Variants in MLLT6 observed in about 807,000 individuals in gnomAD.
MLLT6 encodes MLLT6, PHD finger containing.
Under a neutral mutation model 103.0 loss-of-function variants are expected in MLLT6, and 22 were observed. The ratio of observed to expected loss-of-function variants is 0.21; its 90% CI spans 0.15 to 0.31. The LOEUF (loss-of-function observed/expected upper bound fraction) is 0.31, where lower values mean the gene tolerates loss of function less well. Among genes scored for constraint, MLLT6 ranks in the 10% least tolerant of loss-of-function variants. The pLI is 1.00. For missense variants in MLLT6, 1,199 were observed against 1,441.7 expected (o/e 0.83, Z 2.73); for synonymous variants, 606 against 623.5 (o/e 0.97, Z 0.42).
At position 38,705,503 on chromosome 17, in the gene MLLT6, AGCGGCG is replaced by A. The variant is rs1170115423; in HGVS notation, c.-122_-117del. 8.4e-6 allele frequency: 4 copies of A among 473,450 alleles called. No homozygotes were observed. In the South Asian group the frequency reaches 1.1e-4, roughly 13 times the overall value. 29.3% of individuals were successfully genotyped at this position (473,450 alleles called of 1,614,324 possible). A position where few individuals can be genotyped will look rare whatever the true frequency, so the allele number is the denominator to read the frequency against. On this transcript the variant is annotated 5_prime_UTR_variant, in exon 1 of 20. Coordinates refer to ENST00000621332, the MANE Select transcript of MLLT6 (RefSeq NM_005937.4). ...GAGGAAGGAGGAGGCAAAGAAAAGA[AGCGGCG>A]GCGGCGGAGGGAGAGGAGGAGGGGG...
intron 13 of MLLT6, 39 bp downstream of exon 13, chr17:38,719,622 G>T (rs754412961): frequency 1.3e-6 from 2 of 1,582,192 alleles, no homozygotes; most frequent in Non-Finnish European, 8.6e-7. Context: ...GCTGGGGGCA[G>T]GAGGGACACC....
Position 38,709,072 on chromosome 17 carries a change from C to A in MLLT6, c.355-101C>A. 1.2e-6 allele frequency: 1 copy of A among 868,046 alleles called. No individual in the cohort carries two copies. The highest frequency in any genetic ancestry group is 1.5e-5 in the South Asian group (1 of 65,702). The allele number at this position is 868,046 out of a possible 1,614,324, so 53.8% of individuals were successfully genotyped here. On this transcript the variant is annotated intron_variant, in intron 4 of 19. Coordinates refer to ENST00000621332, the MANE Select transcript of MLLT6 (RefSeq NM_005937.4). The surrounding 1 kb of genome is among the most constrained non-coding windows in gnomAD (Gnocchi z 4.3). ...GACAGTTCTGTGGGATAGCACTGAT[C>A]TAAGACTGTAGAGAGCAAATGGAAT...
rs541414676 is a variant in MLLT6 at position 38,728,056 on chromosome 17, A to G, written c.*2458A>G. 1 of 233,204 alleles carries G rather than the reference A, an allele frequency of 4.3e-6. No homozygotes were observed. Among genetic ancestry groups the G allele is most frequent in the South Asian group, 1.8e-4 (1 of 5,514 alleles). The allele number at this position is 233,204 out of a possible 1,614,324, so 14.4% of individuals were successfully genotyped here. A position where few individuals can be genotyped will look rare whatever the true frequency, so the allele number is the denominator to read the frequency against. On this transcript the variant is annotated 3_prime_UTR_variant, in exon 20 of 20. Transcript: ENST00000621332. ...CCAAAGGCTGGGGTTCTCATCTCCAAGTGGCTGTTCTCCAACTTTCCCAAG... is the reference window on the plus strand; with the variant it reads ...CCAAAGGCTGGGGTTCTCATCTCCAGGTGGCTGTTCTCCAACTTTCCCAAG...
intron 13 of MLLT6, 57 bp from the exon 14 acceptor site, chr17:38,719,693 G>A: frequency 7.0e-6 from 11 of 1,582,350 alleles, no homozygotes; most frequent in Non-Finnish European, 9.5e-6. Flanking sequence ...ACGGGAGAAG[G>A]GCCAGAGGAG....
chr17:38,723,823 A>G (rs923667099), intron 18 of MLLT6, among the ~76,000 whole-genome samples: 1 of 151,108 alleles, frequency 6.6e-6, no homozygotes, highest in South Asian at 2.1e-4. Context: ...GCTCACTGCA[A>G]CCTCCGCCTC....
In MLLT6 at chr17:38,729,778, CAAA is replaced by C. The variant is rs879210230; in HGVS notation, c.*4195_*4197del. On this transcript the variant is annotated 3_prime_UTR_variant, in exon 20 of 20. Transcript: ENST00000621332. ...GTTCTTTTAATAAAAGAATGTTTTG[CAAA>C]AAAAAAAAAAAAAATCCGAAGAGCC... is the stretch of plus-strand genomic sequence containing the variant. 1.2e-3 allele frequency: 144 copies of C among 118,524 alleles called. No individual in the cohort carries two copies. The highest frequency in any genetic ancestry group is 2.2e-3 in the African/African-American group (59 of 27,178). The allele number at this position is 118,524 out of a possible 1,614,324, so 7.3% of individuals were successfully genotyped here.
Position 38,727,970 on chromosome 17 carries a change from A to T in MLLT6, c.*2372A>T. 1 of 233,228 alleles carries T rather than the reference A, an allele frequency of 4.3e-6. No individual in the cohort carries two copies. Among genetic ancestry groups the T allele is most frequent in the Non-Finnish European group, 8.5e-6 (1 of 118,030 alleles). 14.4% of individuals were successfully genotyped at this position (233,228 alleles called of 1,614,324 possible). A position where few individuals can be genotyped will look rare whatever the true frequency, so the allele number is the denominator to read the frequency against. ...TGTTGAAGAGTGAGAGGTCCAAGTG[A>T]TTCTGTGCATTGAAACCAAGACACC... On this transcript the variant is annotated 3_prime_UTR_variant, in exon 20 of 20. Transcript: ENST00000621332.
At position 38,709,587 on chromosome 17, in the gene MLLT6, C is replaced by A; in HGVS notation, c.552+12C>A. Reference sequence around the variant, plus strand: ...ACTTCAGCAAGATGGTGAGTCCTGGCGACCAGCGCATGAGCGGGTCAGTCA... The same window carrying A: ...ACTTCAGCAAGATGGTGAGTCCTGGAGACCAGCGCATGAGCGGGTCAGTCA... On this transcript the variant is annotated intron_variant, in intron 6 of 19. Transcript: ENST00000621332. The surrounding 1 kb of genome is among the most constrained non-coding windows in gnomAD (Gnocchi z 4.3). 1 of 1,604,754 alleles carries A rather than the reference C, an allele frequency of 6.2e-7. No homozygotes were observed. Among genetic ancestry groups the A allele is most frequent in the Non-Finnish European group, 8.5e-7 (1 of 1,171,790 alleles).
At position 38,719,876 on chromosome 17, in the gene MLLT6, C is replaced by G; in HGVS notation, c.2136C>G (p.Asp712Glu). 6.3e-7 allele frequency: 1 copy of G among 1,590,118 alleles called. No individual in the cohort carries two copies. Among genetic ancestry groups the G allele is most frequent in the Non-Finnish European group, 8.6e-7 (1 of 1,168,976 alleles). ...NMEQLLEKQGDGEAGVNIVEM... is the reference protein window; with the variant it reads ...NMEQLLEKQGEGEAGVNIVEM... ...AGCAGCTTCTGGAGAAGCAGGGCGACGGGGAGGCCGGCGTCAACAGTGAGG... is the reference window on the plus strand; with the variant it reads ...AGCAGCTTCTGGAGAAGCAGGGCGAGGGGGAGGCCGGCGTCAACAGTGAGG... Residue 712 changes from aspartate (D) to glutamate (E), a missense_variant, in exon 14 of 20, where the codon GAC (aspartate) becomes GAG (glutamate). Physicochemically the swap from Asp to Glu is conservative, Grantham distance 45 (BLOSUM62 2). This residue lies in a region of MLLT6 where 1,034 missense variants were observed against 1,091.5 expected (regional missense o/e 0.95). Transcript: ENST00000621332.
chr17:38,719,499 GCCTTC>G lies in MLLT6; in HGVS notation c.1943-12_1943-8del. ...CTACCACTCCTCCACGCTGATCCCA[GCCTTC>G]CCTTCTTCCAAGAGCCAGACCTGGA... On this transcript the variant is annotated splice_polypyrimidine_tract_variant and intron_variant, in intron 12 of 19. Transcript: ENST00000621332. The G allele has an allele frequency of 6.2e-7, 1 of 1,601,020 alleles. No individual in the cohort carries two copies. The highest frequency in any genetic ancestry group is 8.5e-7 in the Non-Finnish European group (1 of 1,174,340).
At position 38,727,283 on chromosome 17, in the gene MLLT6, T is replaced by G; in HGVS notation, c.*1685T>G. 1 of 231,444 alleles carries G rather than the reference T, an allele frequency of 4.3e-6. No homozygotes were observed. The highest frequency in any genetic ancestry group is 6.1e-5 in the East Asian group (1 of 16,428). The allele number at this position is 231,444 out of a possible 1,614,324, so 14.3% of individuals were successfully genotyped here. A position where few individuals can be genotyped will look rare whatever the true frequency, so the allele number is the denominator to read the frequency against. On this transcript the variant is annotated 3_prime_UTR_variant, in exon 20 of 20. Transcript: ENST00000621332. The stretch of plus-strand genomic sequence containing the variant: ...ATTAATATTCCTGTTGATAAGACTT[T>G]GTAAGATGTTAGGGAGCTGATAATG...
In MLLT6 at chr17:38,729,304, C is replaced by G. The variant is rs932045329; in HGVS notation, c.*3706C>G. The G allele has an allele frequency of 2.1e-5, 5 of 233,192 alleles. No homozygotes were observed. Among genetic ancestry groups the G allele is most frequent in the Non-Finnish European group, 4.2e-5 (5 of 118,066 alleles). The allele number at this position is 233,192 out of a possible 1,614,324, so 14.4% of individuals were successfully genotyped here. ...CCTAGAGGGATTGAGGTAACTTCAA[C>G]TGGGAATTCCAAGGAAGGTGGGCAA... On this transcript the variant is annotated 3_prime_UTR_variant, in exon 20 of 20. Coordinates refer to ENST00000621332, the MANE Select transcript of MLLT6 (RefSeq NM_005937.4).
intron 16 of MLLT6, chr17:38,720,979 G>A (rs2143703733): frequency 1.7e-6 from 1 of 583,912 alleles, no homozygotes; most frequent in South Asian, 2.0e-5. Context: ...CTTAAGATAG[G>A]CTACCCCAAG....
intron 17 of MLLT6, 43 bp downstream of exon 17, chr17:38,722,270 G>C: frequency 7.5e-7 from 1 of 1,325,758 alleles, no homozygotes; most frequent in South Asian, 1.9e-5. Context: ...AGGGTGGGGG[G>C]CTGGCTCTGG....
intron 14 of MLLT6, 46 bp downstream of exon 14, chr17:38,719,941 A>ACAGT (rs778666763): frequency 1.3e-6 from 2 of 1,515,792 alleles, no homozygotes; most frequent in Non-Finnish European, 1.8e-6. Context: ...TAGGGCCCTA[A>ACAGT]CAGTCACCTT....
At chr17:38,720,856 G>A in intron 16 of MLLT6, 109 bp downstream of exon 16, 1 of 916,588 alleles carries the variant, frequency 1.1e-6, no homozygotes, top group South Asian at 1.5e-5. Context: ...GACTGACTGA[G>A]CAATTGATTG....
intron 8 of MLLT6, 169 bp from the exon 9 acceptor site, chr17:38,715,443 T>A: frequency 8.4e-7 from 1 of 1,189,308 alleles, no homozygotes; most frequent in Non-Finnish European, 1.1e-6. Context: ...CCTCCCCATA[T>A]CCCTGGTCTA....
rs1905674215 is a variant in MLLT6 at position 38,720,654 on chromosome 17, C to T, written c.2354-5C>T. On this transcript the variant is annotated splice_region_variant and splice_polypyrimidine_tract_variant and intron_variant, in intron 15 of 19. Coordinates refer to ENST00000621332, the MANE Select transcript of MLLT6 (RefSeq NM_005937.4). The stretch of plus-strand genomic sequence containing the variant: ...TGACTGCAGCCTGTGACATCCCTCC[C>T]ACAGCCGGCAGCAGCGACTCCTTGA... The T allele has an allele frequency of 6.2e-7, 1 of 1,613,686 alleles. No individual in the cohort carries two copies. Among genetic ancestry groups the T allele is most frequent in the African/African-American group, 1.3e-5 (1 of 75,058 alleles).
intron 14 of MLLT6, 100 bp from the exon 15 acceptor site, chr17:38,720,272 C>A: frequency 8.2e-7 from 1 of 1,215,122 alleles, no homozygotes; most frequent in Non-Finnish European, 1.1e-6. Context: ...GCCGCCTTTT[C>A]AAGGGCTGAG....
Sources: gnomAD v4.1 joint callset for allele counts (sites outside exome capture counted in the v4.1 genomes callset) on GRCh38, gnomAD v4.1.1 for gene constraint, gnomAD v4.1.1 regional missense constraint, Gnocchi (gnomAD v3.1) non-coding constraint, MANE v1.5 for transcripts, NCBI Gene and HGNC (gene_info 2026-07-23, HGNC 2026-07-21) for gene names.